CWC27: variants seen among roughly 807,000 people sequenced by gnomAD.
CWC27 encodes CWC27 spliceosome associated cyclophilin, also known as spliceosome-associated protein CWC27 homolog.
A neutral mutation model predicts 63.6 loss-of-function variants in CWC27; 47 were observed. The observed-to-expected ratio is 0.74, with a 90% CI of 0.58 to 0.94. The LOEUF is 0.94. Ranked by LOEUF, CWC27 falls within the 40% of genes least tolerant of loss-of-function variation. The pLI is 0.00. For missense variants in CWC27, 495 were observed against 554.3 expected (o/e 0.89, Z 1.07); for synonymous variants, 175 against 179.8 (o/e 0.97, Z 0.22).
At chr5:64,900,314 T>A (rs978584526) in intron 11 of CWC27, among the ~76,000 whole-genome samples, 2 of 152,208 alleles carry the variant, frequency 1.3e-5, no homozygotes, top group Non-Finnish European at 2.9e-5. Context: ...TTAATAATGA[T>A]GTTGAGCATT....
At chr5:64,892,441 A>G (rs1747260806) in intron 11 of CWC27, among the ~76,000 whole-genome samples, 1 of 152,214 alleles carries the variant, frequency 6.6e-6, no homozygotes, top group Admixed American at 6.5e-5. Context: ...GTAGAAAGGC[A>G]TAAAGGTTAA....
At chr5:64,844,244 A>G (rs1211945031) in intron 10 of CWC27, among the ~76,000 whole-genome samples, 1 of 152,200 alleles carries the variant, frequency 6.6e-6, no homozygotes, top group Non-Finnish European at 1.5e-5. Context: ...AGCAATCAGC[A>G]TGGCTAGACT....
intron 13 of CWC27, among the ~76,000 whole-genome samples, chr5:64,987,323 C>A (rs1031574323): frequency 6.6e-6 from 1 of 152,130 alleles, no homozygotes; most frequent in Non-Finnish European, 1.5e-5. Flanking sequence ...TTTATCATTT[C>A]AAGACGAATA....
chr5:64,972,968 A>G (rs1389190110), intron 12 of CWC27, among the ~76,000 whole-genome samples: 1 of 152,194 alleles, frequency 6.6e-6, no homozygotes, highest in Non-Finnish European at 1.5e-5. Context: ...GGGGCCTTAC[A>G]TGGCTTAAGA....
At chr5:64,868,595 C>T (rs904898911) in intron 10 of CWC27, among the ~76,000 whole-genome samples, 2 of 152,012 alleles carry the variant, frequency 1.3e-5, no homozygotes, top group African/African-American at 4.8e-5. Context: ...GGAGTAAAGA[C>T]CAGCAATCTG....
chr5:64,969,433 T>A (rs1749078218), intron 11 of CWC27, among the ~76,000 whole-genome samples: 1 of 152,192 alleles, frequency 6.6e-6, no homozygotes, highest in Non-Finnish European at 1.5e-5. Context: ...ATTGACTCCC[T>A]AAATGCAATG....
chr5:64,853,211 A>G (rs1266470677), intron 10 of CWC27, among the ~76,000 whole-genome samples: 4 of 152,204 alleles, frequency 2.6e-5, no homozygotes. Flanking sequence ...TGATATCAGA[A>G]AGCTGAAACA....
chr5:64,991,237 AACTTCAGGTT>A (rs1221123558), intron 13 of CWC27, among the ~76,000 whole-genome samples: 63 of 152,338 alleles, frequency 4.1e-4, no homozygotes, highest in East Asian at 7.7e-4. Context: ...CCTAAGAGGA[AACTTCAGGTT>A]CAAATACCAC....
At chr5:64,832,433 G>A (rs1206029167) in intron 10 of CWC27, among the ~76,000 whole-genome samples, 4 of 151,024 alleles carry the variant, frequency 2.6e-5, no homozygotes, top group Admixed American at 2.6e-4. Flanking sequence ...TAAATGAGAA[G>A]TTCACTTTGT....
intron 11 of CWC27, among the ~76,000 whole-genome samples, chr5:64,891,962 C>G (rs1234081311): frequency 6.6e-6 from 1 of 151,994 alleles, no homozygotes; most frequent in Non-Finnish European, 1.5e-5. Flanking sequence ...ACCTGGCTGA[C>G]TTTTTTATTT....
intron 10 of CWC27, among the ~76,000 whole-genome samples, chr5:64,843,740 T>C (rs1312563893): frequency 6.6e-6 from 1 of 152,214 alleles, no homozygotes; most frequent in Non-Finnish European, 1.5e-5. Context: ...TGCTTATCTT[T>C]TTCTAAACAT....
At chr5:64,962,239 A>G (rs1179308987) in intron 11 of CWC27, among the ~76,000 whole-genome samples, 3 of 152,206 alleles carry the variant, frequency 2.0e-5, no homozygotes, top group Non-Finnish European at 2.9e-5. Context: ...CTACAAATCT[A>G]TAGAAATGCT....
chr5:64,940,557 C>T (rs1748453249), intron 11 of CWC27, among the ~76,000 whole-genome samples: 1 of 152,178 alleles, frequency 6.6e-6, no homozygotes, highest in Admixed American at 6.5e-5. Flanking sequence ...TGTTCCTATT[C>T]AGCCATCTTG....
intron 10 of CWC27, among the ~76,000 whole-genome samples, chr5:64,876,818 T>C (rs1322637042): frequency 6.6e-6 from 1 of 151,988 alleles, no homozygotes; most frequent in African/African-American, 2.4e-5. Flanking sequence ...AAATAAAAAC[T>C]AGACTGACAG....
At chr5:64,820,273 C>G (rs539204411) in intron 10 of CWC27, among the ~76,000 whole-genome samples, 1 of 152,322 alleles carries the variant, frequency 6.6e-6, no homozygotes, top group South Asian at 2.1e-4. Flanking sequence ...CACACTTCAT[C>G]TGGGCTCTTT....
intron 13 of CWC27, among the ~76,000 whole-genome samples, chr5:64,984,769 C>T (rs192266715): frequency 1.3e-3 from 201 of 152,188 alleles, no homozygotes; most frequent in Middle Eastern, 3.4e-3. Flanking sequence ...ATATTTTTCA[C>T]GGAGTAAAAA....
chr5:64,833,621 G>T lies in CWC27; in HGVS notation c.938+29235G>T, dbSNP rs541218577. Reference sequence around the variant, plus strand: ...ATGTAGGCTTTTATTTTCAGTTTATGTATTCTTTGCAACCTAGATTTATTT... The same window carrying T: ...ATGTAGGCTTTTATTTTCAGTTTATTTATTCTTTGCAACCTAGATTTATTT... On this transcript the variant is annotated intron_variant, in intron 10 of 13. Coordinates refer to ENST00000381070, the MANE Select transcript of CWC27 (RefSeq NM_005869.4). Among the ~76,000 whole-genome samples, 3 of 151,764 alleles carry T rather than the reference G, an allele frequency of 2.0e-5. No homozygotes were observed. In the East Asian group the frequency reaches 5.8e-4, roughly 29 times the overall value.
At chr5:65,017,540 T>A (rs914191930) in intron 13 of CWC27, among the ~76,000 whole-genome samples, 2 of 152,334 alleles carry the variant, frequency 1.3e-5, no homozygotes, top group East Asian at 1.9e-4. Flanking sequence ...GAAAGCAGGA[T>A]TCGTTAGATT....
intron 13 of CWC27, among the ~76,000 whole-genome samples, chr5:65,011,260 A>G (rs13171623): frequency 6.6e-6 from 1 of 152,190 alleles, no homozygotes; most frequent in African/African-American, 2.4e-5. Context: ...CACCTTCAAG[A>G]GCACCTGCAG....
Sources: allele counts gnomAD v4.1 joint callset (sites outside exome capture counted in the v4.1 genomes callset), GRCh38; gene constraint gnomAD v4.1.1; transcripts MANE v1.5; gene names NCBI Gene and HGNC (gene_info 2026-07-23, HGNC 2026-07-21).